Variants in OXCT1 observed in about 807,000 individuals in gnomAD.
OXCT1 encodes 3-oxoacid CoA-transferase 1.
A neutral mutation model predicts 69.6 loss-of-function variants in OXCT1; 27 were observed. That is an observed-to-expected ratio of 0.39 (90% CI 0.29 to 0.54). The LOEUF (loss-of-function observed/expected upper bound fraction) is 0.54. Ranked by LOEUF, OXCT1 falls within the 20% of genes least tolerant of loss-of-function variation. The probability of loss-of-function intolerance (pLI) is 0.72; values close to 1 mark genes in which losing one functional copy is unlikely to be tolerated. For missense variants in OXCT1, 437 were observed against 650.2 expected (o/e 0.67, Z 3.57); for synonymous variants, 202 against 217.8 (o/e 0.93, Z 0.64).
intron 7 of OXCT1, among the ~76,000 whole-genome samples, chr5:41,834,008 C>CA (rs796202572): frequency 3.2e-3 from 430 of 132,450 alleles, no homozygotes; most frequent in African/African-American, 8.8e-3. Flanking sequence ...AATTCCGTCT[C>CA]AAAAAAAAAA....
chr5:41,853,480 T>C lies in OXCT1; in HGVS notation c.353A>G (p.Glu118Gly), dbSNP rs1454958208. 1 of 1,613,946 alleles carries C rather than the reference T, an allele frequency of 6.2e-7. No individual in the cohort carries two copies. Among genetic ancestry groups the C allele is most frequent in the South Asian group, 1.1e-5 (1 of 91,078 alleles). ...IKRMVSSYVG[E>G]NAEFERQYLS... The stretch of plus-strand genomic sequence containing the variant: ...GTACTGTCGTTCAAATTCTGCATTT[T>C]CTCCCACATATGAAGAGACCATGCG... The change falls in exon 4 of 17, where the codon GAA becomes GGA. Residue 118 changes from glutamate to glycine, a missense_variant. Glu to Gly is a moderately conservative substitution (Grantham distance 98). This residue lies in a region of OXCT1 where 252 missense variants were observed against 397.4 expected (regional missense o/e 0.63). Coordinates refer to ENST00000196371, the MANE Select transcript of OXCT1 (RefSeq NM_000436.4).
intron 7 of OXCT1, among the ~76,000 whole-genome samples, chr5:41,808,218 G>A (rs1443910007): frequency 1.3e-5 from 2 of 152,048 alleles, no homozygotes; most frequent in East Asian, 3.9e-4. Flanking sequence ...CAACATTGTT[G>A]TGGTGAAAGA....
chr5:41,750,134 G>GTTTTTTT (rs1743697257), intron 14 of OXCT1, among the ~76,000 whole-genome samples: 1 of 85,812 alleles, frequency 1.2e-5, no homozygotes, highest in African/African-American at 4.7e-5. Flanking sequence ...TGTGTTTTTT[G>GTTTTTTT]GTTTTTTTTT....
chr5:41,748,260 A>G (rs1052233585), intron 15 of OXCT1, among the ~76,000 whole-genome samples: 3 of 151,966 alleles, frequency 2.0e-5, no homozygotes, highest in African/African-American at 7.3e-5. Flanking sequence ...CTGAGGATCA[A>G]GTGGGAGCTA....
intron 13 of OXCT1, among the ~76,000 whole-genome samples, chr5:41,777,219 C>T (rs1159785522): frequency 6.6e-6 from 1 of 152,058 alleles, no homozygotes; most frequent in Non-Finnish European, 1.5e-5. Flanking sequence ...AGTTCGAGAC[C>T]AGCCTGACCA....
intron 7 of OXCT1, among the ~76,000 whole-genome samples, chr5:41,811,376 A>G (rs900567134): frequency 1.3e-5 from 2 of 152,058 alleles, no homozygotes; most frequent in Admixed American, 6.6e-5. Flanking sequence ...TTTTACCTTT[A>G]TGTTATACGA....
At position 41,870,147 on chromosome 5, in the gene OXCT1, C is replaced by T; in HGVS notation, c.78+134G>A. On this transcript the variant is annotated intron_variant, in intron 1 of 16. Transcript: ENST00000196371. This position sits in a 1 kb window ranked among gnomAD's most constrained non-coding sequence, Gnocchi z 4.2. The stretch of plus-strand genomic sequence containing the variant: ...GAACGCGTCGCCGCGTGTCCGTGAC[C>T]AGGGCACCGCGCCACGGATGCCAGA... The T allele has an allele frequency of 2.6e-6, 2 of 772,668 alleles. No individual in the cohort carries two copies. The highest frequency in any genetic ancestry group is 4.5e-6 in the Non-Finnish European group (2 of 441,698). The allele number at this position is 772,668 out of a possible 1,614,324, so 47.9% of individuals were successfully genotyped here. A position where few individuals can be genotyped will look rare whatever the true frequency, so the allele number is the denominator to read the frequency against.
chr5:41,822,888 T>C (rs1166368116), intron 7 of OXCT1, among the ~76,000 whole-genome samples: 1 of 152,270 alleles, frequency 6.6e-6, no homozygotes, highest in Admixed American at 6.5e-5. Flanking sequence ...GTCTTGTTTT[T>C]AATCCACTGT....
chr5:41,861,342 CT>C lies in OXCT1; in HGVS notation c.249del (p.Gly84AspfsTer2). 1 of 1,611,760 alleles carries C rather than the reference CT, an allele frequency of 6.2e-7. No individual in the cohort carries two copies. Among genetic ancestry groups the C allele is most frequent in the Non-Finnish European group, 8.5e-7 (1 of 1,178,168 alleles). Reference sequence around the variant, plus strand: ...GCATTGTTGCTGACTGCAGTTAGTCCTTTTACTCCAGTTTTCAGTAAAGCAT... The same window carrying C: ...GCATTGTTGCTGACTGCAGTTAGTCCTTTACTCCAGTTTTCAGTAAAGCAT... Reference protein sequence around the residue: ...LIDALLKTGVKGLTAVSNNAG... With the variant: ...LIDALLKTGVXGLTAVSNNAG... On this transcript the variant is annotated frameshift_variant, in exon 3 of 17. Coordinates refer to ENST00000196371, the MANE Select transcript of OXCT1 (RefSeq NM_000436.4). LOFTEE classifies it high-confidence loss of function.
chr5:41,770,840 A>T (rs1009076840), intron 13 of OXCT1, among the ~76,000 whole-genome samples: 3 of 152,208 alleles, frequency 2.0e-5, no homozygotes, highest in Non-Finnish European at 4.4e-5. Flanking sequence ...ATTAGATTTG[A>T]TAAATGTGCT....
chr5:41,784,878 T>C (rs1453013792), intron 13 of OXCT1, among the ~76,000 whole-genome samples: 1 of 152,204 alleles, frequency 6.6e-6, no homozygotes, highest in African/African-American at 2.4e-5. Flanking sequence ...ATCTTTCAAG[T>C]AAGAGAAATT....
At chr5:41,858,953 T>C (rs1749583334) in intron 3 of OXCT1, among the ~76,000 whole-genome samples, 2 of 152,210 alleles carry the variant, frequency 1.3e-5, no homozygotes, top group Non-Finnish European at 1.5e-5. Context: ...TGGTTTCAAT[T>C]ACCCAGTCAA....
chr5:41,739,150 G>T (rs17847288), intron 16 of OXCT1, among the ~76,000 whole-genome samples: 1 of 152,342 alleles, frequency 6.6e-6, no homozygotes, highest in East Asian at 1.9e-4. Flanking sequence ...GTTTCTAGCA[G>T]CTCCTGGTGG....
At position 41,762,095 on chromosome 5, in the gene OXCT1, G is replaced by T. The variant is rs1352768723; in HGVS notation, c.1338+16C>A. ...AATTTCCAAAAGCAGTATTTGGGGAGCACAGTACATGTTACCTTTGCAGAA... is the reference window on the plus strand; with the variant it reads ...AATTTCCAAAAGCAGTATTTGGGGATCACAGTACATGTTACCTTTGCAGAA... On this transcript the variant is annotated intron_variant, in intron 14 of 16. Transcript: ENST00000196371. This position sits in a 1 kb window ranked among gnomAD's most constrained non-coding sequence, Gnocchi z 4.0. The T allele has an allele frequency of 3.8e-6, 6 of 1,569,354 alleles. No individual in the cohort carries two copies. Among genetic ancestry groups the T allele is most frequent in the Non-Finnish European group, 4.4e-6 (5 of 1,139,360 alleles).
chr5:41,861,473 T>C, intron 2 of OXCT1, 69 bp from the exon 3 acceptor site: 1 of 926,796 alleles, frequency 1.1e-6, no homozygotes, highest in Non-Finnish European at 1.8e-6. Flanking sequence ...AAGTGTGTGT[T>C]ATTCTTTTTA....
chr5:41,845,437 G>A lies in OXCT1; in HGVS notation c.565-2656C>T, dbSNP rs192980828. Among the ~76,000 whole-genome samples the A allele has an allele frequency of 5.8e-4, 88 of 152,176 alleles. 1 individual carries two copies. Among genetic ancestry groups the A allele is most frequent in the African/African-American group, 2.1e-3 (86 of 41,508 alleles). ...TTATGCATTTATTCATTCATTGTCA[G>A]TTCCTCCACTAGCAGGAGGACTTGA... On this transcript the variant is annotated intron_variant, in intron 5 of 16. Transcript: ENST00000196371.
intron 10 of OXCT1, among the ~76,000 whole-genome samples, chr5:41,802,278 T>A (rs1413194100): frequency 4.6e-5 from 7 of 152,156 alleles, no homozygotes. Context: ...ATTTTCCATA[T>A]GCATAATTTC....
Position 41,837,516 on chromosome 5 carries a change from G to T in OXCT1, c.732+2935C>A, listed in dbSNP as rs144080435. Among the ~76,000 whole-genome samples, 137 of 150,568 alleles carry T rather than the reference G, an allele frequency of 9.1e-4. 1 individual carries two copies. The highest frequency in any genetic ancestry group is 3.2e-3 in the African/African-American group (132 of 40,960). On this transcript the variant is annotated intron_variant, in intron 7 of 16. Transcript: ENST00000196371. The stretch of plus-strand genomic sequence containing the variant: ...TGAATGCACGGGGCCACTGAACACA[G>T]GATGATGCCTTTCTCAAAGACATCT...
chr5:41,834,742 A>G (rs1430892439), intron 7 of OXCT1, among the ~76,000 whole-genome samples: 1 of 152,104 alleles, frequency 6.6e-6, no homozygotes, highest in African/African-American at 2.4e-5. Flanking sequence ...TCCACACCCC[A>G]TTTTCAGCAC....
Sources: gnomAD v4.1 joint callset for allele counts (sites outside exome capture counted in the v4.1 genomes callset) on GRCh38, gnomAD v4.1.1 for gene constraint, gnomAD v4.1.1 regional missense constraint, Gnocchi (gnomAD v3.1) non-coding constraint, MANE v1.5 for transcripts, NCBI Gene and HGNC (gene_info 2026-07-23, HGNC 2026-07-21) for gene names.